Variants in PRDM1 observed in about 807,000 individuals in gnomAD.
PRDM1 encodes the protein PR/SET domain 1, also known as PR domain zinc finger protein 1.
In PRDM1, 13 loss-of-function variants were observed where a neutral mutation model predicts 62.8. The observed-to-expected ratio is 0.21, with a 90% confidence interval of 0.13 to 0.33. The LOEUF is 0.33. PRDM1 is among the 10% of genes least tolerant of loss of function. The pLI is 1.00. For missense variants in PRDM1, 895 were observed against 1,058.8 expected (o/e 0.85, Z 2.15); for synonymous variants, 396 against 417.6 (o/e 0.95, Z 0.63).
intron 1 of PRDM1, among the ~76,000 whole-genome samples, chr6:106,018,790 C>G (rs1582427753): frequency 1.3e-5 from 2 of 152,100 alleles, no homozygotes; most frequent in East Asian, 3.9e-4. Flanking sequence ...CCTGGATCAC[C>G]TAGCTGAGGT....
At chr6:106,043,627 C>T (rs577415575), upstream of PRDM1, among the ~76,000 whole-genome samples, 28 of 152,274 alleles carry the variant, frequency 1.8e-4, 1 homozygote, top group South Asian at 5.6e-3. Flanking sequence ...TCCGCCTCTC[C>T]CGGGTTCAAG....
intron 1 of PRDM1, among the ~76,000 whole-genome samples, chr6:105,999,711 G>A (rs552505658): frequency 8.5e-4 from 129 of 152,284 alleles, no homozygotes; most frequent in African/African-American, 2.8e-3. Flanking sequence ...AACCTTTGGC[G>A]TGCAGGGCCT....
At chr6:106,034,158 T>A (rs1772890315) in intron 1 of PRDM1, among the ~76,000 whole-genome samples, 1 of 152,154 alleles carries the variant, frequency 6.6e-6, no homozygotes, top group Non-Finnish European at 1.5e-5. Flanking sequence ...TCTTAGTTCA[T>A]CTAGCTAAAG....
chr6:106,048,981 A>G (rs760518068), intron 1 of PRDM1, among the ~76,000 whole-genome samples: 1 of 151,892 alleles, frequency 6.6e-6, no homozygotes, highest in Non-Finnish European at 1.5e-5. Context: ...ACACTCAGCT[A>G]ATTTTTGTAT....
At chr6:106,048,884 A>G (rs1562152842) in intron 1 of PRDM1, among the ~76,000 whole-genome samples, 1 of 151,568 alleles carries the variant, frequency 6.6e-6, no homozygotes, top group Non-Finnish European at 1.5e-5. Flanking sequence ...GCTGGCGTAC[A>G]GTGGCGTGAT....
chr6:106,001,166 C>G (rs1772419995), intron 1 of PRDM1, among the ~76,000 whole-genome samples: 1 of 152,130 alleles, frequency 6.6e-6, no homozygotes, highest in Admixed American at 6.5e-5. Flanking sequence ...TGTTGGACAC[C>G]TGGTTTTCCT....
intron 3 of PRDM1, chr6:106,098,650 T>C: frequency 7.5e-7 from 1 of 1,340,228 alleles, no homozygotes; most frequent in Admixed American, 2.2e-5. Flanking sequence ...AAATTCGGGC[T>C]GCTGCCCGAG....
intron 1 of PRDM1, among the ~76,000 whole-genome samples, chr6:106,059,746 G>C (rs1027516827): frequency 1.1e-4 from 16 of 152,196 alleles, no homozygotes; most frequent in Middle Eastern, 3.2e-3. Flanking sequence ...GCTAAGATAG[G>C]AGTGGTAGAG....
intron 1 of PRDM1, among the ~76,000 whole-genome samples, chr6:106,052,807 C>T (rs1773199862): frequency 6.6e-6 from 1 of 152,026 alleles, no homozygotes; most frequent in South Asian, 2.1e-4. Flanking sequence ...CCCATCTCTA[C>T]TAAAAATACA....
intron 1 of PRDM1, among the ~76,000 whole-genome samples, chr6:106,062,135 G>T (rs529990537): frequency 2.0e-5 from 3 of 152,252 alleles, no homozygotes; most frequent in African/African-American, 7.2e-5. Context: ...TGTCTACATG[G>T]CTTGTTTTGA....
intron 1 of PRDM1, among the ~76,000 whole-genome samples, chr6:106,037,744 T>C (rs182966016): frequency 6.6e-6 from 1 of 152,230 alleles, no homozygotes; most frequent in Admixed American, 6.5e-5. Context: ...TCCATTCTGT[T>C]CATACATTGT....
chr6:106,099,177 T>G (rs1774195460), intron 3 of PRDM1, 123 bp from the exon 4 acceptor site: 1 of 1,603,028 alleles, frequency 6.2e-7, no homozygotes, highest in Non-Finnish European at 8.5e-7. Context: ...GATTGGATTC[T>G]TTTTCTAACT....
intron 3 of PRDM1, chr6:106,098,917 G>A: frequency 6.6e-7 from 1 of 1,512,868 alleles, no homozygotes; most frequent in Non-Finnish European, 8.9e-7. Flanking sequence ...AGCACTAAAA[G>A]TCAGCATAAT....
chr6:106,082,787 AAT>A (rs1396697096), upstream of PRDM1, among the ~76,000 whole-genome samples: 1 of 152,184 alleles, frequency 6.6e-6, no homozygotes, highest in Non-Finnish European at 1.5e-5. Flanking sequence ...TTAGGCCCTG[AAT>A]ATGTTTGTCA....
At chr6:106,075,630 A>G (rs1279798208) in intron 1 of PRDM1, among the ~76,000 whole-genome samples, 1 of 152,186 alleles carries the variant, frequency 6.6e-6, no homozygotes, top group Non-Finnish European at 1.5e-5. Context: ...TCACCATCAG[A>G]TGCTTATTAG....
In PRDM1 at chr6:106,088,354, C is replaced by T. The variant is rs777858005; in HGVS notation, c.196C>T (p.Pro66Ser). Residue 66 changes from proline to serine, a missense_variant, in exon 2 of 7, where the codon CCC becomes TCC. Coordinates refer to ENST00000369096, the MANE Select transcript of PRDM1 (RefSeq NM_001198.4). Reference sequence around the variant, plus strand: ...GTGTACATACATTGTGAACGACCACCCCTGGGATTCTGGTGCTGATGGCGG... The same window carrying T: ...GTGTACATACATTGTGAACGACCACTCCTGGGATTCTGGTGCTGATGGCGG... ...EKCTYIVNDH[P>S]WDSGADGGTS... The T allele has an allele frequency of 6.2e-7, 1 of 1,614,134 alleles. No homozygotes were observed. The highest frequency in any genetic ancestry group is 8.5e-7 in the Non-Finnish European group (1 of 1,180,032).
At chr6:106,064,306 A>G (rs1345999676) in intron 1 of PRDM1, among the ~76,000 whole-genome samples, 1 of 152,206 alleles carries the variant, frequency 6.6e-6, no homozygotes, top group Non-Finnish European at 1.5e-5. Flanking sequence ...CTGGGTGTTG[A>G]GCTGTGGACA....
At chr6:106,011,248 TAAG>T (rs1472405118) in intron 1 of PRDM1, among the ~76,000 whole-genome samples, 2 of 152,232 alleles carry the variant, frequency 1.3e-5, no homozygotes, top group African/African-American at 2.4e-5. Flanking sequence ...ATCCCAGAGC[TAAG>T]AAGACTCTCT....
intron 4 of PRDM1, among the ~76,000 whole-genome samples, chr6:106,102,836 G>A (rs1402256470): frequency 1.3e-5 from 2 of 152,186 alleles, no homozygotes; most frequent in African/African-American, 4.8e-5. Flanking sequence ...TTATTCGAGC[G>A]GCATCGTTTT....
Sources: allele counts gnomAD v4.1 joint callset (sites outside exome capture counted in the v4.1 genomes callset), GRCh38; gene constraint gnomAD v4.1.1; transcripts MANE v1.5; gene names NCBI Gene and HGNC (gene_info 2026-07-23, HGNC 2026-07-21).